Variants in KEAP1 observed in about 807,000 individuals in gnomAD.
KEAP1 encodes the protein kelch like ECH associated protein 1.
Under a neutral mutation model 59.7 loss-of-function variants are expected in KEAP1, and 26 were observed. That is an observed-to-expected ratio of 0.44 (90% CI 0.32 to 0.60). KEAP1 has a LOEUF of 0.60. KEAP1 is among the 20% of genes least tolerant of loss of function. The pLI, the probability that KEAP1 is intolerant of heterozygous loss-of-function variation, is 0.06. For missense variants in KEAP1, 539 were observed against 871.4 expected (o/e 0.62, Z 4.80); for synonymous variants, 350 against 358.3 (o/e 0.98, Z 0.26).
At chr19:10,495,722 C>T (rs1201432488) in intron 2 of KEAP1, among the ~76,000 whole-genome samples, 1 of 151,770 alleles carries the variant, frequency 6.6e-6, no homozygotes, top group East Asian at 1.9e-4. Context: ...GTGGAAGCTC[C>T]GAAGAAACCA....
intron 5 of KEAP1, 25 bp from the exon 6 acceptor site, chr19:10,486,843 TCAC>T (rs1453099605): frequency 6.3e-7 from 1 of 1,597,592 alleles, no homozygotes; most frequent in Non-Finnish European, 8.6e-7. Context: ...GAAGGGATGG[TCAC>T]CACCTGTCAC....
intron 5 of KEAP1, among the ~76,000 whole-genome samples, chr19:10,487,812 A>G (rs1025061112): frequency 1.3e-5 from 2 of 151,988 alleles, no homozygotes; most frequent in Non-Finnish European, 1.5e-5. Context: ...CCTGGCTAAC[A>G]TTGTGAAACC....
At chr19:10,501,229 A>AGTTATGT (rs1157478885) in intron 1 of KEAP1, among the ~76,000 whole-genome samples, 12 of 151,876 alleles carry the variant, frequency 7.9e-5, no homozygotes, top group Non-Finnish European at 1.3e-4. Flanking sequence ...CCAGGAGATG[A>AGTTATGT]GTTATGTGTT....
intron 1 of KEAP1, among the ~76,000 whole-genome samples, chr19:10,501,196 G>GGAAACC (rs1915031977): frequency 6.6e-6 from 1 of 152,122 alleles, no homozygotes; most frequent in African/African-American, 2.4e-5. Context: ...AGGGTTTCAT[G>GGAAACC]GAAACCCCTG....
In KEAP1 at chr19:10,499,958, C is replaced by G. The variant is rs761466505; in HGVS notation, c.76G>C (p.Gly26Arg). 6.2e-7 allele frequency: 1 copy of G among 1,601,356 alleles called. No homozygotes were observed. Among genetic ancestry groups the G allele is most frequent in the Non-Finnish European group, 8.5e-7 (1 of 1,170,952 alleles). ...FLPLQSQCPE[G>R]AGDAVMYAST... ...GCGTACATCACCGCGTCCCCTGCCC[C>G]CTCAGGGCACTGTGACTGCAGGGGC... Residue 26 changes from glycine to arginine, a missense_variant, in exon 2 of 6, where the codon GGG becomes CGG. By Grantham distance (125) the Gly-to-Arg change is moderately radical (BLOSUM62 -2). Coordinates refer to ENST00000171111, the MANE Select transcript of KEAP1 (RefSeq NM_203500.2). This position sits in a 1 kb window ranked among gnomAD's most constrained non-coding sequence, Gnocchi z 6.7.
intron 2 of KEAP1, among the ~76,000 whole-genome samples, chr19:10,493,687 G>A (rs1053814548): frequency 4.1e-5 from 6 of 147,456 alleles, no homozygotes; most frequent in South Asian, 2.2e-4. Flanking sequence ...TCAGCCTCCC[G>A]AGTAGCTGGG....
rs528646075 is a variant in KEAP1, at chr19:10,486,698, A to G, written c.1829T>C (p.Met610Thr). Residue 610 changes from methionine (M) to threonine (T), a missense_variant, in exon 6 of 6, where the codon ATG becomes ACG. Transcript: ENST00000171111. ...GRSGVGVAVT[M>T]EPCRKQIDQQ... is the part of the protein sequence containing the mutation. ...GTCAATCTGCTTCCGGCAGGGCTCC[A>G]TGGTGACAGCCACGCCCACCCCACT... 1 of 1,614,112 alleles carries G rather than the reference A, an allele frequency of 6.2e-7. No individual in the cohort carries two copies. Among genetic ancestry groups the G allele is most frequent in the Non-Finnish European group, 8.5e-7 (1 of 1,180,026 alleles).
rs80227782 is a variant in KEAP1 at position 10,493,176 on chromosome 19, T to C, written c.640-914A>G. On this transcript the variant is annotated intron_variant, in intron 2 of 5. Transcript: ENST00000171111. Reference sequence around the variant, plus strand: ...AGAGCAGCTAATTTTTTTTTTTTTTTTGGAGACAGTCTTGCTCTGTCGCCC... The same window carrying C: ...AGAGCAGCTAATTTTTTTTTTTTTTCTGGAGACAGTCTTGCTCTGTCGCCC... Among the ~76,000 whole-genome samples, 721 of 151,122 alleles carry C rather than the reference T, an allele frequency of 4.8e-3. 3 individuals are homozygous for C. The highest frequency in any genetic ancestry group is 0.01 in the Middle Eastern group (3 of 294).
intron 2 of KEAP1, among the ~76,000 whole-genome samples, chr19:10,493,161 ATT>A (rs35058318): frequency 7.8e-4 from 100 of 129,016 alleles, no homozygotes; most frequent in African/African-American, 1.1e-3. Flanking sequence ...AGAGCAGCTA[ATT>A]TTTTTTTTTT....
intron 1 of KEAP1, among the ~76,000 whole-genome samples, chr19:10,501,752 G>A (rs1384714550): frequency 1.3e-5 from 2 of 151,978 alleles, no homozygotes; most frequent in Non-Finnish European, 2.9e-5. Context: ...TCACCATGTT[G>A]GCCAGGGTGG....
rs1915076201 is a variant in KEAP1, at chr19:10,502,470, C to T, written c.-48+771G>A. 1 of 152,338 alleles carries T rather than the reference C, an allele frequency of 6.6e-6. No individual in the cohort carries two copies. Among genetic ancestry groups the T allele is most frequent in the East Asian group, 1.9e-4 (1 of 5,180 alleles). 9.4% of individuals were successfully genotyped at this position (152,338 alleles called of 1,614,324 possible). On this transcript the variant is annotated intron_variant, in intron 1 of 5. Coordinates refer to ENST00000171111, the MANE Select transcript of KEAP1 (RefSeq NM_203500.2). This position sits in a 1 kb window ranked among gnomAD's most constrained non-coding sequence, Gnocchi z 4.0. ...CCCCCGGGCCTCCTTCTGCGCAGCG[C>T]CTCCTGGTTCTCTCGCTCGGTTTCC... is the stretch of plus-strand genomic sequence containing the variant.
At chr19:10,492,527 G>A in intron 2 of KEAP1, 1 of 449,928 alleles carries the variant, frequency 2.2e-6, no homozygotes, top group Non-Finnish European at 4.1e-6. Flanking sequence ...AGACAAGCCT[G>A]GCCAATATGG....
In KEAP1 at chr19:10,489,331, C is replaced by T. The variant is rs2144587433; in HGVS notation, c.1569G>A (p.Gly523=). 1.2e-6 allele frequency: 2 copies of T among 1,614,002 alleles called. No individual in the cohort carries two copies. The highest frequency in any genetic ancestry group is 1.7e-4 in the Middle Eastern group (1 of 6,060). ...TCAGCTGGTCCTGACCATCATAGCC[C>T]CCAGCAGCATAGATACAGTTGTGCA... ...CVLHNCIYAA[G]GYDGQDQLNS... is the part of the protein sequence containing the mutation. Residue 523 remains glycine, a synonymous_variant, in exon 5 of 6, where the codon GGG becomes GGA. Coordinates refer to ENST00000171111, the MANE Select transcript of KEAP1 (RefSeq NM_203500.2).
chr19:10,494,683 T>C (rs1321703528), intron 2 of KEAP1, among the ~76,000 whole-genome samples: 3 of 130,628 alleles, frequency 2.3e-5, no homozygotes, highest in African/African-American at 8.8e-5. Flanking sequence ...TGAGATGGAG[T>C]CTCGCTCTGT....
At position 10,492,132 on chromosome 19, in the gene KEAP1, C is replaced by T. The variant is rs1914696268; in HGVS notation, c.770G>A (p.Cys257Tyr). The change falls in exon 3 of 6, where the codon TGC becomes TAC. Residue 257 changes from cysteine (C) to tyrosine (Y), a missense_variant. By Grantham distance (194) the Cys-to-Tyr change is radical (BLOSUM62 -2). Coordinates refer to ENST00000171111, the MANE Select transcript of KEAP1 (RefSeq NM_203500.2). ...HACINWVKYD[C>Y]EQRRFYVQAL... ...CTGGACGTAGAACCGTCGCTGTTCGCAGTCGTACTTGACCCAGTTGATGCA... is the reference window on the plus strand; with the variant it reads ...CTGGACGTAGAACCGTCGCTGTTCGTAGTCGTACTTGACCCAGTTGATGCA... 1 of 1,614,016 alleles carries T rather than the reference C, an allele frequency of 6.2e-7. No homozygotes were observed. The highest frequency in any genetic ancestry group is 8.5e-7 in the Non-Finnish European group (1 of 1,180,042).
rs1261353130 is a variant in KEAP1 at position 10,491,556 on chromosome 19, C to A, written c.1325+21G>T. ...CCAGGAGCAGGACCCTCCGAGCCCA[C>A]CCCCAGGCCCTGCCACTCACCTCTC... On this transcript the variant is annotated intron_variant, in intron 3 of 5. Transcript: ENST00000171111. The surrounding 1 kb of genome is among the most constrained non-coding windows in gnomAD (Gnocchi z 5.2). 1 of 1,496,908 alleles carries A rather than the reference C, an allele frequency of 6.7e-7. No individual in the cohort carries two copies. The highest frequency in any genetic ancestry group is 8.9e-7 in the Non-Finnish European group (1 of 1,123,390). 92.7% of individuals were successfully genotyped at this position (1,496,908 alleles called of 1,614,324 possible).
At chr19:10,494,874 T>C (rs1259862525) in intron 2 of KEAP1, among the ~76,000 whole-genome samples, 1 of 149,286 alleles carries the variant, frequency 6.7e-6, no homozygotes, top group Non-Finnish European at 1.5e-5. Flanking sequence ...TAGGATGGTC[T>C]CGATCTCCTG....
chr19:10,491,558 C>G lies in KEAP1; in HGVS notation c.1325+19G>C. The G allele has an allele frequency of 6.7e-7, 1 of 1,498,856 alleles. No homozygotes were observed. The highest frequency in any genetic ancestry group is 8.9e-7 in the Non-Finnish European group (1 of 1,124,538). 92.8% of individuals were successfully genotyped at this position (1,498,856 alleles called of 1,614,324 possible). A position where few individuals can be genotyped will look rare whatever the true frequency, so the allele number is the denominator to read the frequency against. ...AGGAGCAGGACCCTCCGAGCCCACC[C>G]CCAGGCCCTGCCACTCACCTCTCCA... is the stretch of plus-strand genomic sequence containing the variant. On this transcript the variant is annotated intron_variant, in intron 3 of 5. Transcript: ENST00000171111. The surrounding 1 kb of genome is among the most constrained non-coding windows in gnomAD (Gnocchi z 5.2).
In KEAP1 at chr19:10,499,761, G is replaced by A. The variant is rs780558147; in HGVS notation, c.273C>T (p.Ala91=). ...GCACCACCTTGTGGGCCATGAACTGGGCGGCCGGTGCATCCTGGTACTTGA... is the reference window on the plus strand; with the variant it reads ...GCACCACCTTGTGGGCCATGAACTGAGCGGCCGGTGCATCCTGGTACTTGA... The part of the protein sequence containing the change: ...LQVKYQDAPA[A]QFMAHKVVLA... The change falls in exon 2 of 6, where the codon GCC becomes GCT. Residue 91 remains alanine (A), a synonymous_variant. Coordinates refer to ENST00000171111, the MANE Select transcript of KEAP1 (RefSeq NM_203500.2). The surrounding 1 kb of genome is among the most constrained non-coding windows in gnomAD (Gnocchi z 6.7). 6 of 1,614,166 alleles carry A rather than the reference G, an allele frequency of 3.7e-6. No homozygotes were observed. The South Asian group carries it at 4.4e-5, about 12-fold the overall frequency.
Sources: allele counts gnomAD v4.1 joint callset (sites outside exome capture counted in the v4.1 genomes callset), GRCh38; gene constraint gnomAD v4.1.1; non-coding constraint Gnocchi (gnomAD v3.1); transcripts MANE v1.5; gene names NCBI Gene and HGNC (gene_info 2026-07-23, HGNC 2026-07-21).